MARCHF4: variants seen among roughly 807,000 people sequenced by gnomAD.
The protein encoded by MARCHF4 is membrane associated ring-CH-type finger 4.
MARCHF4 carries 14 observed loss-of-function variants against 43.9 expected under a neutral mutation model. That is an observed-to-expected ratio of 0.32 (90% CI 0.21 to 0.50). The LOEUF is 0.50. Among genes scored for constraint, MARCHF4 ranks in the 20% least tolerant of loss-of-function variants. MARCHF4 has a pLI of 0.98. For missense variants in MARCHF4, 468 were observed against 536.7 expected, an observed-to-expected ratio of 0.87 and a Z score of 1.27; for synonymous variants, 226 against 213.3, an observed-to-expected ratio of 1.06 and a Z score of -0.52.
intron 1 of MARCHF4, among the ~76,000 whole-genome samples, chr2:216,290,968 T>C (rs1402560367): frequency 6.6e-6 from 1 of 152,158 alleles, no homozygotes; most frequent in African/African-American, 2.4e-5. Flanking sequence ...AGTACTGAGA[T>C]ACATGTTAAT....
chr2:216,340,721 G>C (rs1407023412), intron 1 of MARCHF4, among the ~76,000 whole-genome samples: 1 of 152,242 alleles, frequency 6.6e-6, no homozygotes, highest in Non-Finnish European at 1.5e-5. Context: ...GTAGGAGACA[G>C]AGCTGTCTAT....
At chr2:216,311,568 T>C (rs1407050204) in intron 1 of MARCHF4, among the ~76,000 whole-genome samples, 1 of 152,196 alleles carries the variant, frequency 6.6e-6, no homozygotes, top group South Asian at 2.1e-4. Context: ...GTAAATCATG[T>C]CTTTATTGTT....
chr2:216,260,922 G>A (rs1004459453), intron 3 of MARCHF4, among the ~76,000 whole-genome samples: 2 of 152,198 alleles, frequency 1.3e-5, no homozygotes, highest in Admixed American at 6.5e-5. Flanking sequence ...AGAAACTGCT[G>A]GAGTCAGGCT....
intron 1 of MARCHF4, among the ~76,000 whole-genome samples, chr2:216,326,102 A>C (rs1354782920): frequency 1.0e-4 from 15 of 145,482 alleles, no homozygotes; most frequent in African/African-American, 3.8e-4. Context: ...ATGAACTCAA[A>C]CAAATTTACA....
intron 1 of MARCHF4, among the ~76,000 whole-genome samples, chr2:216,321,334 G>C (rs1182211785): frequency 6.6e-6 from 1 of 152,046 alleles, no homozygotes; most frequent in Non-Finnish European, 1.5e-5. Context: ...GAGGTGTATG[G>C]ATATATATAC....
rs1342980579 is a variant in MARCHF4 at position 216,263,539 on chromosome 2, A to AAGAGAGAGAGAGAGAGAAAG, written c.866-3861_866-3860insCTTTCTCTCTCTCTCTCTCT. On this transcript the variant is annotated intron_variant, in intron 3 of 3. Transcript: ENST00000273067. Reference sequence around the variant, plus strand: ...AGAGAGAGAGAGAGAGAGAGAGAGAAAGAGAGAGAGAGAAAGAAGAAAAAG... The same window carrying AAGAGAGAGAGAGAGAGAAAG: ...AGAGAGAGAGAGAGAGAGAGAGAGAAAGAGAGAGAGAGAGAGAAAGAGAGAGAGAGAGAAAGAAGAAAAAG... 5.5e-3 allele frequency among the ~76,000 whole-genome samples: 672 copies of AAGAGAGAGAGAGAGAGAAAG among 122,838 alleles called. 7 individuals carry two copies. The highest frequency in any genetic ancestry group is 0.019 in the African/African-American group (634 of 33,812). 80.6% of individuals were successfully genotyped at this position (122,838 alleles called of 152,430 possible). A position where few individuals can be genotyped will look rare whatever the true frequency, so the allele number is the denominator to read the frequency against.
At chr2:216,281,741 A>C (rs1378521352) in intron 2 of MARCHF4, among the ~76,000 whole-genome samples, 1 of 152,184 alleles carries the variant, frequency 6.6e-6, no homozygotes. Flanking sequence ...TTGCATTTCC[A>C]GGAGCAACAG....
intron 1 of MARCHF4, among the ~76,000 whole-genome samples, chr2:216,350,562 C>A (rs368028044): frequency 1.3e-5 from 2 of 151,910 alleles, no homozygotes; most frequent in Non-Finnish European, 2.9e-5. Flanking sequence ...CTGTGCCACA[C>A]CACCTCACTG....
At chr2:216,355,855 C>G (rs1340619755) in intron 1 of MARCHF4, among the ~76,000 whole-genome samples, 1 of 152,194 alleles carries the variant, frequency 6.6e-6, no homozygotes, top group Non-Finnish European at 1.5e-5. Flanking sequence ...GCATTTCATG[C>G]AGACCCAGCC....
intron 1 of MARCHF4, among the ~76,000 whole-genome samples, chr2:216,304,745 G>A (rs1204682454): frequency 1.3e-5 from 2 of 152,106 alleles, no homozygotes; most frequent in Non-Finnish European, 2.9e-5. Context: ...CCTGAGGTCC[G>A]GAGTTTGAGA....
chr2:216,264,459 C>T (rs564383455), intron 3 of MARCHF4, among the ~76,000 whole-genome samples: 3 of 152,338 alleles, frequency 2.0e-5, no homozygotes, highest in South Asian at 2.1e-4. Flanking sequence ...GAATGTGTAC[C>T]TATGCACCCT....
At chr2:216,277,912 C>G (rs781677868) in intron 2 of MARCHF4, 48 bp from the exon 3 acceptor site, 1 of 1,512,670 alleles carries the variant, frequency 6.6e-7, no homozygotes, top group South Asian at 1.2e-5. Flanking sequence ...ATGCCCTTAT[C>G]CCATTCCCAC....
Position 216,259,513 on chromosome 2 carries a change from G to T in MARCHF4, c.1032C>A (p.Ile344=). The change falls in exon 4 of 4, where the codon ATC becomes ATA. Residue 344 remains isoleucine (I), a synonymous_variant. Transcript: ENST00000273067. The part of the protein sequence containing the change: ...PRTSSSTQAN[I]PSSEEETAGT... ...CTGCGGTCTCCTCTTCCGAGGAGGG[G>T]ATATTGGCCTGGGTGGATGAGGAGG... 1.2e-6 allele frequency: 2 copies of T among 1,614,212 alleles called. No individual in the cohort carries two copies. Among genetic ancestry groups the T allele is most frequent in the Non-Finnish European group, 1.7e-6 (2 of 1,180,018 alleles).
chr2:216,334,482 C>T (rs1692128471), intron 1 of MARCHF4, among the ~76,000 whole-genome samples: 1 of 152,044 alleles, frequency 6.6e-6, no homozygotes, highest in African/African-American at 2.4e-5. Context: ...CTCACTGTAG[C>T]CTCCAACTCC....
Position 216,369,936 on chromosome 2 carries a change from G to T in MARCHF4, c.325C>A (p.Pro109Thr). The T allele has an allele frequency of 6.2e-7, 1 of 1,605,772 alleles. No homozygotes were observed. Reference protein sequence around the residue: ...REPPPVPPPPPLPPSSVEDDW... With the variant: ...REPPPVPPPPTLPPSSVEDDW... ...TCTTCCACAGAAGAAGGTGGCAAGG[G>T]GGGTGGAGGTGGCACAGGAGGGGGC... The change falls in exon 1 of 4, where the codon CCC (proline) becomes ACC (threonine). Residue 109 changes from proline to threonine, a missense_variant. Physicochemically the swap from Pro to Thr is conservative, Grantham distance 38. Transcript: ENST00000273067.
In MARCHF4 at chr2:216,276,055, TG is replaced by T. The variant is rs1314162805; in HGVS notation, c.865+1616del. 4.6e-5 allele frequency among the ~76,000 whole-genome samples: 7 copies of T among 152,312 alleles called. No individual in the cohort carries two copies. In the South Asian group the frequency reaches 1.0e-3, roughly 23 times the overall value. On this transcript the variant is annotated intron_variant, in intron 3 of 3. Coordinates refer to ENST00000273067, the MANE Select transcript of MARCHF4 (RefSeq NM_020814.3). ...AACCCCTGAATGGGAAATCAATGTT[TG>T]TTGTAAGGCACTGCGATCTGTGGAA...
intron 1 of MARCHF4, among the ~76,000 whole-genome samples, chr2:216,355,867 A>G (rs10932656): frequency 0.072 from 10,959 of 152,134 alleles, 1,000 homozygotes; most frequent in East Asian, 0.42. Flanking sequence ...GACCCAGCCT[A>G]TTCCCCCAAC....
chr2:216,360,049 A>T (rs1692552781), intron 1 of MARCHF4, among the ~76,000 whole-genome samples: 1 of 152,070 alleles, frequency 6.6e-6, no homozygotes, highest in African/African-American at 2.4e-5. Flanking sequence ...TCCTGAAGTA[A>T]TCACCTACTT....
Position 216,283,645 on chromosome 2 carries a change from C to A in MARCHF4, c.601G>T (p.Gly201Cys). The A allele has an allele frequency of 6.2e-7, 1 of 1,613,860 alleles. No homozygotes were observed. The highest frequency in any genetic ancestry group is 8.5e-7 in the Non-Finnish European group (1 of 1,179,734). Residue 201 changes from glycine to cysteine, a missense_variant, in exon 2 of 4, where the codon GGC (glycine) becomes TGC (cysteine). This residue lies in a region of MARCHF4 where 158 missense variants were observed against 251.1 expected (regional missense o/e 0.63). Coordinates refer to ENST00000273067, the MANE Select transcript of MARCHF4 (RefSeq NM_020814.3). ...TAGCACAGCTCGCAGCTCCAGCAGC[C>A]CCGCTCGCTGATCCACTTGATGAGG... is the stretch of plus-strand genomic sequence containing the variant. ...PCLIKWISER[G>C]CWSCELCYYK...
Sources: gnomAD v4.1 joint callset for allele counts (sites outside exome capture counted in the v4.1 genomes callset) on GRCh38, gnomAD v4.1.1 for gene constraint, gnomAD v4.1.1 regional missense constraint, MANE v1.5 for transcripts, NCBI Gene and HGNC (gene_info 2026-07-23, HGNC 2026-07-21) for gene names.